The following RBFOX1 variants were observed in gnomAD, a reference collection of about 807,000 sequenced individuals.
RBFOX1 encodes the protein RNA binding protein fox-1 homolog 1.
Under a neutral mutation model 57.7 loss-of-function variants are expected in RBFOX1, and 8 were observed. The ratio of observed to expected loss-of-function variants is 0.14; its 90% CI spans 0.08 to 0.25. The LOEUF (loss-of-function observed/expected upper bound fraction) is 0.25. Ranked by LOEUF, RBFOX1 falls within the 10% of genes least tolerant of loss-of-function variation. The probability of loss-of-function intolerance (pLI) is 1.00; values close to 1 mark genes in which losing one functional copy is unlikely to be tolerated. For missense variants in RBFOX1, 611 were observed against 548.5 expected, an observed-to-expected ratio of 1.11 and a Z score of -1.14; for synonymous variants, 326 against 222.4, an observed-to-expected ratio of 1.47 and a Z score of -4.15.
chr16:7,518,575 T>C (rs2076884091), intron 5 of RBFOX1, among the ~76,000 whole-genome samples, 186 bp downstream of exon 5: 1 of 152,230 alleles, frequency 6.6e-6, no homozygotes, highest in Non-Finnish European at 1.5e-5. Flanking sequence ...TTAGCGTTCA[T>C]TTAAATCAAC....
intron 10 of RBFOX1, 87 bp from the exon 11 acceptor site, chr16:7,630,516 C>T: frequency 6.3e-7 from 1 of 1,576,480 alleles, no homozygotes; most frequent in South Asian, 1.2e-5. Context: ...TTTCATTTCT[C>T]TGCATTTCTC....
Position 6,574,889 on chromosome 16 carries a change from T to A in RBFOX1, c.-63-79714T>A, listed in dbSNP as rs1236735450. Among the ~76,000 whole-genome samples, 7 of 150,548 alleles carry A rather than the reference T, an allele frequency of 4.6e-5. No individual in the cohort carries two copies. The East Asian group carries it at 8.1e-4, about 18-fold the overall frequency. On this transcript the variant is annotated intron_variant, in intron 2 of 15. Coordinates refer to ENST00000550418, the MANE Select transcript of RBFOX1 (RefSeq NM_018723.4). ...CCGTCTCTACTAAAAATACAAAAAATTTGGCAGGCGTGGTGGCGGGCGCCT... is the reference window on the plus strand; with the variant it reads ...CCGTCTCTACTAAAAATACAAAAAAATTGGCAGGCGTGGTGGCGGGCGCCT...
At chr16:7,406,857 C>T (rs2098350082) in intron 4 of RBFOX1, among the ~76,000 whole-genome samples, 1 of 152,270 alleles carries the variant, frequency 6.6e-6, no homozygotes. Context: ...CATTTCCTTG[C>T]ATTTTCTAGT....
At chr16:6,185,950 A>G (rs991368767) in intron 1 of RBFOX1, among the ~76,000 whole-genome samples, 1 of 152,170 alleles carries the variant, frequency 6.6e-6, no homozygotes, top group Non-Finnish European at 1.5e-5. Flanking sequence ...GCAGACCCAC[A>G]TCTTCTTTCT....
chr16:7,131,456 C>T (rs756390302), intron 4 of RBFOX1, among the ~76,000 whole-genome samples: 17 of 146,426 alleles, frequency 1.2e-4, no homozygotes, highest in East Asian at 2.1e-4. Flanking sequence ...CTTGCTTCTG[C>T]TCCGGTAGGT....
intron 3 of RBFOX1, among the ~76,000 whole-genome samples, chr16:6,972,205 T>G (rs1568158104): frequency 6.6e-6 from 1 of 152,126 alleles, no homozygotes; most frequent in Non-Finnish European, 1.5e-5. Flanking sequence ...AGCTTTTTCA[T>G]CCTCTAAATC....
Position 6,828,263 on chromosome 16 carries a change from C to T in RBFOX1, c.-16+173613C>T, listed in dbSNP as rs145342149. Among the ~76,000 whole-genome samples, 30 of 152,244 alleles carry T rather than the reference C, an allele frequency of 2.0e-4. 1 individual carries two copies. Among genetic ancestry groups the T allele is most frequent in the African/African-American group, 7.2e-4 (30 of 41,560 alleles). Reference sequence around the variant, plus strand: ...ATTTCAGGCCAGGCACAGTGGCTCACAGCTGTAATCCCAGCACTTTGGGAG... The same window carrying T: ...ATTTCAGGCCAGGCACAGTGGCTCATAGCTGTAATCCCAGCACTTTGGGAG... On this transcript the variant is annotated intron_variant, in intron 3 of 15. Transcript: ENST00000550418.
chr16:6,961,585 C>T (rs571462595), intron 3 of RBFOX1, among the ~76,000 whole-genome samples: 1 of 152,290 alleles, frequency 6.6e-6, no homozygotes, highest in East Asian at 1.9e-4. Flanking sequence ...ATAGGCAGAG[C>T]AGCTCTGAGG....
At chr16:6,596,743 A>T (rs902695176) in intron 2 of RBFOX1, among the ~76,000 whole-genome samples, 5 of 152,190 alleles carry the variant, frequency 3.3e-5, no homozygotes, top group Admixed American at 3.3e-4. Flanking sequence ...GCTCTGAGCA[A>T]AGCCCTTCTT....
At chr16:6,940,750 A>G (rs2078243016) in intron 3 of RBFOX1, among the ~76,000 whole-genome samples, 1 of 142,944 alleles carries the variant, frequency 7.0e-6, no homozygotes, top group African/African-American at 2.6e-5. Context: ...GGCGCCCGCC[A>G]CCATGTCCCG....
chr16:5,640,222 A>G (rs924503420), intron 3 of RBFOX1, among the ~76,000 whole-genome samples: 60 of 152,334 alleles, frequency 3.9e-4, no homozygotes, highest in African/African-American at 1.4e-3. Flanking sequence ...CAAAGCACCC[A>G]AGAATCTATA....
intron 4 of RBFOX1, among the ~76,000 whole-genome samples, chr16:7,482,470 G>T (rs902070311): frequency 4.6e-5 from 4 of 86,370 alleles, no homozygotes; most frequent in African/African-American, 9.0e-5. Context: ...TTTCATCCCA[G>T]TTGTTGTTGT....
chr16:7,489,666 C>G (rs762995697), intron 4 of RBFOX1, among the ~76,000 whole-genome samples: 2 of 152,002 alleles, frequency 1.3e-5, no homozygotes, highest in African/African-American at 2.4e-5. Flanking sequence ...CAGGCACACA[C>G]CACTATGCCC....
intron 4 of RBFOX1, among the ~76,000 whole-genome samples, chr16:5,915,787 A>G (rs7186434): frequency 0.33 from 50,574 of 152,000 alleles, 8,867 homozygotes; most frequent in Middle Eastern, 0.55. Flanking sequence ...AGCCAAGATC[A>G]TGCCACGGCA....
At chr16:5,650,122 G>T (rs1450331550) in intron 3 of RBFOX1, among the ~76,000 whole-genome samples, 1 of 152,148 alleles carries the variant, frequency 6.6e-6, no homozygotes, top group African/African-American at 2.4e-5. Flanking sequence ...TAACCTCTGT[G>T]GTTTCGACAG....
At chr16:5,772,158 C>G (rs1350088309) in intron 3 of RBFOX1, among the ~76,000 whole-genome samples, 1 of 152,104 alleles carries the variant, frequency 6.6e-6, no homozygotes, top group Non-Finnish European at 1.5e-5. Flanking sequence ...GGTGACAGAG[C>G]AAGACTCTGT....
At chr16:7,418,802 CTCTG>C (rs930962783) in intron 4 of RBFOX1, among the ~76,000 whole-genome samples, 1 of 141,872 alleles carries the variant, frequency 7.0e-6, no homozygotes, top group Non-Finnish European at 1.6e-5. Context: ...CTCTGTCTTC[CTCTG>C]TCTCTCTCAC....
intron 4 of RBFOX1, among the ~76,000 whole-genome samples, chr16:7,391,848 GC>G (rs1468736931): frequency 6.6e-6 from 1 of 152,192 alleles, no homozygotes; most frequent in Non-Finnish European, 1.5e-5. Flanking sequence ...TACACAACCA[GC>G]CTGTCCAGAC....
At chr16:6,790,654 C>T (rs545565295) in intron 3 of RBFOX1, among the ~76,000 whole-genome samples, 2 of 152,236 alleles carry the variant, frequency 1.3e-5, no homozygotes, top group South Asian at 2.1e-4. Flanking sequence ...GCTTCCTGTT[C>T]TGTCTGTCAT....
Sources: gnomAD v4.1 joint callset for allele counts (sites outside exome capture counted in the v4.1 genomes callset) on GRCh38, gnomAD v4.1.1 for gene constraint, MANE v1.5 for transcripts, NCBI Gene and HGNC (gene_info 2026-07-23, HGNC 2026-07-21) for gene names.